Variants in KCNN1 observed in about 807,000 individuals in gnomAD.
KCNN1 encodes the protein potassium calcium-activated channel subfamily N member 1.
A neutral mutation model predicts 44.7 loss-of-function variants in KCNN1; 20 were observed. The ratio of observed to expected loss-of-function variants is 0.45; its 90% CI spans 0.32 to 0.65. The LOEUF is 0.65. Ranked by LOEUF, KCNN1 falls within the 30% of genes least tolerant of loss-of-function variation. The pLI is 0.05. For synonymous variants in KCNN1, 324 were observed against 341.7 expected (o/e 0.95, Z 0.57); for missense variants, 632 against 785.3 (o/e 0.80, Z 2.33).
At chr19:17,953,649 T>A (rs944080182) in intron 1 of KCNN1, among the ~76,000 whole-genome samples, 3 of 152,012 alleles carry the variant, frequency 2.0e-5, no homozygotes, top group African/African-American at 7.2e-5. Flanking sequence ...GGAGCAAGAG[T>A]TCAGCTGCTC....
intron 3 of KCNN1, among the ~76,000 whole-genome samples, chr19:17,977,468 G>A (rs2032244238): frequency 6.6e-6 from 1 of 151,668 alleles, no homozygotes; most frequent in South Asian, 2.1e-4. Context: ...CAGCCCCCAG[G>A]TAGCTGGGAT....
At chr19:17,988,298 G>C in intron 5 of KCNN1, 117 bp from the exon 6 acceptor site, 1 of 747,280 alleles carries the variant, frequency 1.3e-6, no homozygotes, top group Non-Finnish European at 2.3e-6. Context: ...TCAGCAGATG[G>C]AATCCACTCA....
rs947006326 is a variant in KCNN1, at chr19:17,993,129, G to A, written c.1307+67G>A. The A allele has an allele frequency of 3.6e-5, 58 of 1,591,302 alleles. No homozygotes were observed. Among genetic ancestry groups the A allele is most frequent in the Non-Finnish European group, 4.9e-5 (57 of 1,161,256 alleles). ...GGGTGCATGGTGGTCACAGACAGGGGGTACACCCGGGGCATGCCAACCCCA... is the reference window on the plus strand; with the variant it reads ...GGGTGCATGGTGGTCACAGACAGGGAGTACACCCGGGGCATGCCAACCCCA... On this transcript the variant is annotated intron_variant, in intron 8 of 9. Coordinates refer to ENST00000684775, the MANE Select transcript of KCNN1 (RefSeq NM_001386974.1). The surrounding 1 kb of genome is among the most constrained non-coding windows in gnomAD (Gnocchi z 4.5).
chr19:17,989,308 A>C (rs1177161259), intron 6 of KCNN1, among the ~76,000 whole-genome samples: 1 of 152,128 alleles, frequency 6.6e-6, no homozygotes, highest in Non-Finnish European at 1.5e-5. Context: ...AAATACAAAA[A>C]TTAGCTGAGC....
Position 17,998,161 on chromosome 19 carries a change from G to C in KCNN1, c.1387G>C (p.Val463Leu). Residue 463 changes from valine to leucine, a missense_variant, in exon 10 of 10, where the codon GTC becomes CTC. By Grantham distance (32) the Val-to-Leu change is conservative. Transcript: ENST00000684775. The surrounding 1 kb of genome is among the most constrained non-coding windows in gnomAD (Gnocchi z 5.4). Reference protein sequence around the residue: ...TLTDLAKTQTVMYDLVSELHA... With the variant: ...TLTDLAKTQTLMYDLVSELHA... ...TCTCTGTCTCCCGCAGACCCAGACC[G>C]TCATGTACGACCTTGTATCGGAGCT... 6.3e-7 allele frequency: 1 copy of C among 1,595,848 alleles called. No individual in the cohort carries two copies. Among genetic ancestry groups the C allele is most frequent in the Non-Finnish European group, 8.5e-7 (1 of 1,171,804 alleles).
At chr19:17,963,344 A>T (rs1473252186), upstream of KCNN1, among the ~76,000 whole-genome samples, 6 of 111,236 alleles carry the variant, frequency 5.4e-5, no homozygotes, top group Non-Finnish European at 9.3e-5. Flanking sequence ...ATAGAGTCTC[A>T]CTCTGTCGCC....
chr19:17,988,011 G>A (rs564259553), intron 5 of KCNN1, among the ~76,000 whole-genome samples: 6 of 151,632 alleles, frequency 4.0e-5, no homozygotes, highest in East Asian at 1.9e-4. Flanking sequence ...CACAATTAGC[G>A]GGATGTGGTG....
At position 17,974,356 on chromosome 19, in the gene KCNN1, T is replaced by C; in HGVS notation, c.402+66T>C. On this transcript the variant is annotated intron_variant, in intron 2 of 9. Coordinates refer to ENST00000684775, the MANE Select transcript of KCNN1 (RefSeq NM_001386974.1). This position sits in a 1 kb window ranked among gnomAD's most constrained non-coding sequence, Gnocchi z 7.3. ...CCAAGCCCGCCTAGCTTTCTTGACA[T>C]GGGGTTGGGGGTGGCAGGGCCCCCC... The C allele has an allele frequency of 6.7e-7, 1 of 1,483,968 alleles. No individual in the cohort carries two copies. The highest frequency in any genetic ancestry group is 8.9e-7 in the Non-Finnish European group (1 of 1,120,664). 91.9% of individuals were successfully genotyped at this position (1,483,968 alleles called of 1,614,324 possible). A position where few individuals can be genotyped will look rare whatever the true frequency, so the allele number is the denominator to read the frequency against.
intron 9 of KCNN1, among the ~76,000 whole-genome samples, chr19:17,994,362 A>C (rs2032909636): frequency 6.6e-6 from 1 of 150,946 alleles, no homozygotes; most frequent in Admixed American, 6.6e-5. Context: ...CGGGAGAATC[A>C]CTTGAGCCCA....
intron 5 of KCNN1, among the ~76,000 whole-genome samples, chr19:17,986,810 G>GT (rs1325427960): frequency 2.0e-5 from 3 of 151,038 alleles, no homozygotes; most frequent in Non-Finnish European, 4.4e-5. Context: ...GCCTGACTTT[G>GT]TTTTTTTCCT....
chr19:17,995,263 C>A (rs1300469542), intron 9 of KCNN1, among the ~76,000 whole-genome samples: 1 of 151,600 alleles, frequency 6.6e-6, no homozygotes, highest in Non-Finnish European at 1.5e-5. Flanking sequence ...GCCTCAACCT[C>A]CCCAGGCTCA....
rs1174145214 is a variant in KCNN1 at position 17,958,476 on chromosome 19, G to GTC, written c.-82+3799_-82+3800dup. On this transcript the variant is annotated intron_variant, in intron 2 of 10. Transcript: ENST00000222249. Reference sequence around the variant, plus strand: ...CTGCTGCGAGACAACAGGAGACCCTGTCTCTTTTTTTTTTTTTTTTTTTTT... The same window carrying GTC: ...CTGCTGCGAGACAACAGGAGACCCTGTCTCTCTTTTTTTTTTTTTTTTTTTTT... 1.5e-3 allele frequency among the ~76,000 whole-genome samples: 198 copies of GTC among 133,762 alleles called. 1 individual carries two copies. The highest frequency in any genetic ancestry group is 3.7e-3 in the Admixed American group (46 of 12,430). The allele number at this position is 133,762 out of a possible 152,430, so 87.8% of individuals were successfully genotyped here.
intron 3 of KCNN1, among the ~76,000 whole-genome samples, chr19:17,978,124 TTG>T (rs892656981): frequency 6.6e-6 from 1 of 150,746 alleles, no homozygotes; most frequent in Non-Finnish European, 1.5e-5. Context: ...ATATGTATAC[TTG>T]TTTTTTTTTT....
chr19:17,995,319 G>A (rs141565072), intron 9 of KCNN1, among the ~76,000 whole-genome samples: 5 of 151,836 alleles, frequency 3.3e-5, no homozygotes, highest in South Asian at 2.1e-4. Flanking sequence ...GACTACAGGC[G>A]CACACCACCA....
At chr19:17,960,356 G>C (rs1387868415) in intron 2 of KCNN1, among the ~76,000 whole-genome samples, 1 of 152,098 alleles carries the variant, frequency 6.6e-6, no homozygotes, top group Non-Finnish European at 1.5e-5. Flanking sequence ...TTGGCCAGGC[G>C]GGGTGGCTCA....
chr19:17,971,744 G>A (rs1484463875), intron 1 of KCNN1, among the ~76,000 whole-genome samples: 2 of 151,992 alleles, frequency 1.3e-5, no homozygotes, highest in Admixed American at 6.5e-5. Flanking sequence ...GATTCCAGGC[G>A]TGAGCCACCG....
At position 17,993,417 on chromosome 19, in the gene KCNN1, G is replaced by T; in HGVS notation, c.1308-73G>T. 1 of 1,181,584 alleles carries T rather than the reference G, an allele frequency of 8.5e-7. No individual in the cohort carries two copies. Among genetic ancestry groups the T allele is most frequent in the Non-Finnish European group, 1.2e-6 (1 of 804,474 alleles). 73.2% of individuals were successfully genotyped at this position (1,181,584 alleles called of 1,614,324 possible). The stretch of plus-strand genomic sequence containing the variant: ...CATAGGTGACCCCGGGTGGGTGCAT[G>T]AAAGTCCCTGCCCCCACTGCAGCCT... On this transcript the variant is annotated intron_variant, in intron 8 of 9. Coordinates refer to ENST00000684775, the MANE Select transcript of KCNN1 (RefSeq NM_001386974.1). This position sits in a 1 kb window ranked among gnomAD's most constrained non-coding sequence, Gnocchi z 4.5.
chr19:17,988,490 C>T lies in KCNN1; in HGVS notation c.1135C>T (p.His379Tyr). 2 of 1,613,868 alleles carry T rather than the reference C, an allele frequency of 1.2e-6. No individual in the cohort carries two copies. Among genetic ancestry groups the T allele is most frequent in the African/African-American group, 1.3e-5 (1 of 75,046 alleles). ...LELTKAEKHV[H>Y]NFMMDTQLTK... Reference sequence around the variant, plus strand: ...GCTCACCAAGGCTGAGAAGCACGTGCACAACTTCATGATGGACACTCAGCT... The same window carrying T: ...GCTCACCAAGGCTGAGAAGCACGTGTACAACTTCATGATGGACACTCAGCT... The change falls in exon 6 of 10, where the codon CAC becomes TAC. Residue 379 changes from histidine to tyrosine, a missense_variant. Physicochemically the swap from His to Tyr is moderately conservative, Grantham distance 83. Around this residue, in one of 3 missense-constraint regions of KCNN1, gnomAD observed 237 missense variants for 253.0 expected, o/e 0.94. Transcript: ENST00000684775.
chr19:17,988,194 T>C (rs771380004), intron 5 of KCNN1, among the ~76,000 whole-genome samples: 39 of 145,778 alleles, frequency 2.7e-4, no homozygotes, highest in Non-Finnish European at 3.8e-4. Context: ...TCCTACCTCC[T>C]GGAGTTGTTG....
Sources: gnomAD v4.1 joint callset for allele counts (sites outside exome capture counted in the v4.1 genomes callset) on GRCh38, gnomAD v4.1.1 for gene constraint, gnomAD v4.1.1 regional missense constraint, Gnocchi (gnomAD v3.1) non-coding constraint, MANE v1.5 for transcripts, NCBI Gene and HGNC (gene_info 2026-07-23, HGNC 2026-07-21) for gene names.